ARHGEF33: variants seen among roughly 807,000 people sequenced by gnomAD.
The protein encoded by ARHGEF33 is DH and coiled-coil domain-containing protein ENSP00000381780.
Under a neutral mutation model 101.9 loss-of-function variants are expected in ARHGEF33, and 72 were observed. The ratio of observed to expected loss-of-function variants is 0.71; its 90% CI spans 0.58 to 0.86. The LOEUF is 0.86. Ranked by LOEUF, ARHGEF33 falls within the 40% of genes least tolerant of loss-of-function variation. ARHGEF33 has a pLI of 0.00. For synonymous variants in ARHGEF33, 499 were observed against 442.5 expected (o/e 1.13, Z -1.60); for missense variants, 1,169 against 1,111.3 (o/e 1.05, Z -0.74).
At chr2:38,891,154 G>C (rs1454095134) in intron 1 of ARHGEF33, among the ~76,000 whole-genome samples, 2 of 151,840 alleles carry the variant, frequency 1.3e-5, no homozygotes, top group Non-Finnish European at 2.9e-5. Flanking sequence ...GGTTGGTCTT[G>C]AACTCCTGAT....
At chr2:38,904,328 G>C (rs554825355) in intron 2 of ARHGEF33, among the ~76,000 whole-genome samples, 2 of 152,210 alleles carry the variant, frequency 1.3e-5, no homozygotes, top group East Asian at 3.9e-4. Context: ...CAGCTGGCAG[G>C]CCTCCTACAC....
chr2:38,967,630 C>T (rs1306472290), intron 17 of ARHGEF33, among the ~76,000 whole-genome samples: 1 of 152,172 alleles, frequency 6.6e-6, no homozygotes, highest in African/African-American at 2.4e-5. Flanking sequence ...GGCTGGAGTG[C>T]AATGGCGCAA....
intron 2 of ARHGEF33, among the ~76,000 whole-genome samples, chr2:38,901,333 G>T (rs952850867): frequency 2.6e-5 from 4 of 152,076 alleles, no homozygotes; most frequent in Admixed American, 2.0e-4. Flanking sequence ...CCTTCATCCC[G>T]CTCTAACACC....
At chr2:38,967,870 G>A (rs1024129629) in intron 17 of ARHGEF33, among the ~76,000 whole-genome samples, 12 of 145,216 alleles carry the variant, frequency 8.3e-5, no homozygotes, top group Non-Finnish European at 1.5e-4. Context: ...GTGAGCCACC[G>A]CACCCGGCCA....
At chr2:38,919,655 G>T (rs1210463637) in intron 3 of ARHGEF33, among the ~76,000 whole-genome samples, 183 bp downstream of exon 3, 1 of 152,112 alleles carries the variant, frequency 6.6e-6, no homozygotes, top group Admixed American at 6.5e-5. Flanking sequence ...ATTAGAATTT[G>T]GTCTGTGTTG....
intron 10 of ARHGEF33, among the ~76,000 whole-genome samples, chr2:38,946,344 C>T (rs935174543): frequency 6.6e-6 from 1 of 152,192 alleles, no homozygotes; most frequent in South Asian, 2.1e-4. Context: ...TTAAAGCTAT[C>T]ATACAATCCT....
At chr2:38,900,383 TAAAG>T (rs1157365981) in intron 2 of ARHGEF33, among the ~76,000 whole-genome samples, 2 of 152,056 alleles carry the variant, frequency 1.3e-5, no homozygotes, top group African/African-American at 2.4e-5. Context: ...TTTCATTAGA[TAAAG>T]AAAGATATTT....
In ARHGEF33 at chr2:38,960,021, G is replaced by A; in HGVS notation, c.1716G>A (p.Leu572=). ...EQDVKALAGP[L]QAIPEMDFES... is the part of the protein sequence containing the mutation. ...ACGTGAAGGCGCTGGCCGGGCCCCT[G>A]CAGGCCATCCCGGAGATGGACTTCG... Residue 572 remains leucine (L), a synonymous_variant, in exon 16 of 18, where the codon CTG becomes CTA. Coordinates refer to ENST00000409978, the MANE Select transcript of ARHGEF33 (RefSeq NM_001145451.5). 2 of 1,547,264 alleles carry A rather than the reference G, an allele frequency of 1.3e-6. No individual in the cohort carries two copies. The highest frequency in any genetic ancestry group is 1.7e-6 in the Non-Finnish European group (2 of 1,144,746).
At chr2:38,948,010 T>C (rs1192838541) in intron 10 of ARHGEF33, among the ~76,000 whole-genome samples, 4 of 152,134 alleles carry the variant, frequency 2.6e-5, no homozygotes, top group Non-Finnish European at 5.9e-5. Flanking sequence ...GATTAAGTAC[T>C]ATATTGTTAG....
At position 38,954,363 on chromosome 2, in the gene ARHGEF33, T is replaced by A; in HGVS notation, c.1138-10T>A. On this transcript the variant is annotated splice_polypyrimidine_tract_variant and intron_variant, in intron 12 of 17. Coordinates refer to ENST00000409978, the MANE Select transcript of ARHGEF33 (RefSeq NM_001145451.5). ...ACACTGAAGAGTAACTTGACCTTTC[T>A]TTCATTCAGGGTGATGAAGAGATTA... 6.6e-7 allele frequency: 1 copy of A among 1,524,628 alleles called. No individual in the cohort carries two copies. Among genetic ancestry groups the A allele is most frequent in the Middle Eastern group, 1.7e-4 (1 of 5,850 alleles). 94.4% of individuals were successfully genotyped at this position (1,524,628 alleles called of 1,614,324 possible). A position where few individuals can be genotyped will look rare whatever the true frequency, so the allele number is the denominator to read the frequency against.
chr2:38,953,729 A>G (rs1205438273), intron 12 of ARHGEF33, among the ~76,000 whole-genome samples: 1 of 152,222 alleles, frequency 6.6e-6, no homozygotes, highest in Non-Finnish European at 1.5e-5. Context: ...TCAGATCAAT[A>G]GGAAAAAACA....
At chr2:38,905,737 GA>G (rs1666373146) in intron 2 of ARHGEF33, among the ~76,000 whole-genome samples, 1 of 152,198 alleles carries the variant, frequency 6.6e-6, no homozygotes, top group African/African-American at 2.4e-5. Flanking sequence ...AAGACCCTCT[GA>G]AGAGCATTAA....
intron 3 of ARHGEF33, among the ~76,000 whole-genome samples, chr2:38,921,046 G>T (rs1462540553): frequency 6.6e-6 from 1 of 152,162 alleles, no homozygotes; most frequent in Non-Finnish European, 1.5e-5. Flanking sequence ...TTAGCCTCAA[G>T]AACATAAGGG....
At position 38,920,198 on chromosome 2, in the gene ARHGEF33, C is replaced by A. The variant is rs571038979; in HGVS notation, c.25+726C>A. Among the ~76,000 whole-genome samples the A allele has an allele frequency of 7.9e-5, 12 of 152,182 alleles. No homozygotes were observed. In the South Asian group the frequency reaches 2.5e-3, roughly 32 times the overall value. ...ATCCACACAACCAAATGTTTGCAAC[C>A]AGGGGCTTCCTCTATAAACTGTTTG... On this transcript the variant is annotated intron_variant, in intron 3 of 17. Transcript: ENST00000409978.
intron 17 of ARHGEF33, chr2:38,973,327 A>G (rs1668207074): frequency 6.5e-6 from 1 of 153,024 alleles, no homozygotes; most frequent in Non-Finnish European, 1.5e-5. Context: ...GGTCCTTGAT[A>G]ACCTTGGTTG....
At chr2:38,928,120 GC>G (rs1215632635) in intron 4 of ARHGEF33, among the ~76,000 whole-genome samples, 1 of 152,114 alleles carries the variant, frequency 6.6e-6, no homozygotes, top group East Asian at 1.9e-4. Context: ...TGAGGAAACT[GC>G]TACAAAAAAG....
chr2:38,928,864 G>A (rs1243055290), intron 4 of ARHGEF33, 43 bp from the exon 5 acceptor site: 2 of 1,516,132 alleles, frequency 1.3e-6, no homozygotes, highest in South Asian at 2.6e-5. Context: ...GCCACTTACA[G>A]TAATTTCCAG....
chr2:38,920,439 C>T (rs1347011895), intron 3 of ARHGEF33, among the ~76,000 whole-genome samples: 1 of 111,160 alleles, frequency 9.0e-6, no homozygotes, highest in Non-Finnish European at 1.7e-5. Context: ...CAGAGTTTCG[C>T]TCTTGTCGCC....
rs371538488 is a variant in ARHGEF33 at position 38,921,469 on chromosome 2, A to G, written c.75+46A>G. On this transcript the variant is annotated intron_variant, in intron 4 of 17. Coordinates refer to ENST00000409978, the MANE Select transcript of ARHGEF33 (RefSeq NM_001145451.5). ...TCAAATGCTCCCATGTATAATAGCA[A>G]TGACTGACTATTCTTTATGTGTACA... 1.9e-3 allele frequency: 2,339 copies of G among 1,223,928 alleles called. 10 individuals are homozygous for G. Among genetic ancestry groups the G allele is most frequent in the Non-Finnish European group, 2.1e-3 (1,753 of 847,350 alleles). The allele number at this position is 1,223,928 out of a possible 1,614,324, so 75.8% of individuals were successfully genotyped here. A position where few individuals can be genotyped will look rare whatever the true frequency, so the allele number is the denominator to read the frequency against.
Sources: allele counts gnomAD v4.1 joint callset (sites outside exome capture counted in the v4.1 genomes callset), GRCh38; gene constraint gnomAD v4.1.1; transcripts MANE v1.5; gene names NCBI Gene and HGNC (gene_info 2026-07-23, HGNC 2026-07-21).